TDRKH: variants seen among roughly 807,000 people sequenced by gnomAD.
TDRKH encodes the protein tudor and KH domain-containing protein.
In TDRKH, 28 loss-of-function variants were observed where a neutral mutation model predicts 61.3. The ratio of observed to expected loss-of-function variants is 0.46; its 90% confidence interval spans 0.34 to 0.63. The LOEUF is 0.63. Among genes scored for constraint, TDRKH ranks in the 20% least tolerant of loss-of-function variants. The pLI, the probability that TDRKH is intolerant of heterozygous loss-of-function variation, is 0.01. For missense variants in TDRKH, 540 were observed against 683.4 expected, an observed-to-expected ratio of 0.79 and a Z score of 2.34; for synonymous variants, 219 against 244.4, an observed-to-expected ratio of 0.90 and a Z score of 0.97.
downstream of TDRKH, chr1:151,766,808 G>A: frequency 3.1e-6 from 5 of 1,604,916 alleles, no homozygotes; most frequent in Non-Finnish European, 4.3e-6. Flanking sequence ...ACCCGATCTG[G>A]TCACCATACG....
intron 1 of TDRKH, among the ~76,000 whole-genome samples, chr1:151,789,816 G>A (rs1290614359): frequency 2.0e-5 from 3 of 151,616 alleles, no homozygotes; most frequent in African/African-American, 7.3e-5. Context: ...TCCTTGGTAC[G>A]TTTATTTTAA....
At chr1:151,784,637 G>A (rs1205081528) in intron 1 of TDRKH, among the ~76,000 whole-genome samples, 1 of 152,108 alleles carries the variant, frequency 6.6e-6, no homozygotes, top group Non-Finnish European at 1.5e-5. Flanking sequence ...CAGTCTCCCA[G>A]TTGCTGGTTT....
chr1:151,769,759 C>T (rs991918593), downstream of TDRKH, among the ~76,000 whole-genome samples: 2 of 152,180 alleles, frequency 1.3e-5, no homozygotes, highest in Non-Finnish European at 2.9e-5. Context: ...GCCGAGATCA[C>T]GCCACTGCAC....
chr1:151,770,985 G>C, downstream of TDRKH: 1 of 1,490,446 alleles, frequency 6.7e-7, no homozygotes, highest in Non-Finnish European at 8.9e-7. Context: ...CTGCTTCCCA[G>C]GGCCACTCCC....
At position 151,773,682 on chromosome 1, in the gene TDRKH, C is replaced by CT. The variant is rs1648884831; in HGVS notation, c.*769dup. The CT allele has an allele frequency of 1.3e-5, 2 of 152,212 alleles. No homozygotes were observed. The highest frequency in any genetic ancestry group is 4.1e-4 in the South Asian group (2 of 4,828). The allele number at this position is 152,212 out of a possible 1,614,324, so 9.4% of individuals were successfully genotyped here. A position where few individuals can be genotyped will look rare whatever the true frequency, so the allele number is the denominator to read the frequency against. ...TTAACTAAAGGTTACAGAGAAATAG[C>CT]TGGAGCAGTTTCAAAAGCCTGTCTC... On this transcript the variant is annotated 3_prime_UTR_variant, in exon 13 of 13. Transcript: ENST00000368824.
At chr1:151,789,033 A>C (rs1335362398) in intron 1 of TDRKH, among the ~76,000 whole-genome samples, 1 of 152,210 alleles carries the variant, frequency 6.6e-6, no homozygotes, top group Non-Finnish European at 1.5e-5. Context: ...GAGATGGAGA[A>C]CAGATGAATT....
Position 151,780,033 on chromosome 1 carries a change from T to G in TDRKH, c.339A>C (p.Ala113=). 1 of 1,614,270 alleles carries G rather than the reference T, an allele frequency of 6.2e-7. No homozygotes were observed. The highest frequency in any genetic ancestry group is 8.5e-7 in the Non-Finnish European group (1 of 1,180,042). The part of the protein sequence containing the change: ...GFPVQVCKAK[A]AIHQILTENT... ...TCTCTGTCAGGATCTGATGGATTGCTGCTTTGGCCTTGCACACCTGAACAG... is the reference window on the plus strand; with the variant it reads ...TCTCTGTCAGGATCTGATGGATTGCGGCTTTGGCCTTGCACACCTGAACAG... The change falls in exon 4 of 13, where the codon GCA becomes GCC. Residue 113 remains alanine, a synonymous_variant. Coordinates refer to ENST00000368824, the MANE Select transcript of TDRKH (RefSeq NM_001083965.2).
At chr1:151,780,492 G>C (rs561330181) in intron 3 of TDRKH, among the ~76,000 whole-genome samples, 1 of 152,306 alleles carries the variant, frequency 6.6e-6, no homozygotes, top group African/African-American at 2.4e-5. Flanking sequence ...AAGATGGTAA[G>C]AAGAACCAGG....
At chr1:151,771,237 C>A, downstream of TDRKH, 1 of 1,608,928 alleles carries the variant, frequency 6.2e-7, no homozygotes, top group Non-Finnish European at 8.5e-7. Flanking sequence ...TATTCCAACG[C>A]TTTGAGGGGC....
intron 1 of TDRKH, among the ~76,000 whole-genome samples, chr1:151,787,968 A>G (rs1335274229): frequency 2.0e-5 from 3 of 152,126 alleles, no homozygotes; most frequent in African/African-American, 7.2e-5. Context: ...CCTGGGCAAC[A>G]GAGCGAGAAT....
intron 1 of TDRKH, among the ~76,000 whole-genome samples, chr1:151,788,034 T>C (rs116694445): frequency 0.011 from 1,620 of 152,020 alleles, 27 homozygotes; most frequent in African/African-American, 0.036. Flanking sequence ...GTAGGTTATA[T>C]ACAAATAATA....
chr1:151,785,075 G>A (rs542749223), intron 1 of TDRKH, among the ~76,000 whole-genome samples: 1 of 151,972 alleles, frequency 6.6e-6, no homozygotes, highest in African/African-American at 2.4e-5. Context: ...GAGACTACAG[G>A]TGCATGCCAC....
chr1:151,786,368 G>A (rs1395934611), intron 1 of TDRKH, among the ~76,000 whole-genome samples: 4 of 152,172 alleles, frequency 2.6e-5, no homozygotes, highest in Non-Finnish European at 4.4e-5. Flanking sequence ...TGACTAAGAG[G>A]CGGGTAGCAT....
chr1:151,786,100 A>C (rs1169058616), intron 1 of TDRKH, among the ~76,000 whole-genome samples: 1 of 152,230 alleles, frequency 6.6e-6, no homozygotes. Flanking sequence ...CATTAATACA[A>C]AACCTACTGT....
intron 6 of TDRKH, among the ~76,000 whole-genome samples, chr1:151,776,949 C>T (rs181561518): frequency 1.2e-4 from 18 of 152,320 alleles, no homozygotes; most frequent in Middle Eastern, 6.8e-3. Context: ...GGACATGGAC[C>T]TGTTCCAGAT....
Position 151,775,055 on chromosome 1 carries a change from A to G in TDRKH, c.1536+10T>C. On this transcript the variant is annotated intron_variant, in intron 11 of 12. Coordinates refer to ENST00000368824, the MANE Select transcript of TDRKH (RefSeq NM_001083965.2). ...TGGAAGCAGCACCCTATATAACTAC[A>G]ATAGCTCACCATGTCCTTCAACATG... The G allele has an allele frequency of 6.2e-7, 1 of 1,613,848 alleles. No homozygotes were observed. Among genetic ancestry groups the G allele is most frequent in the Non-Finnish European group, 8.5e-7 (1 of 1,179,850 alleles).
intron 5 of TDRKH, 39 bp from the exon 6 acceptor site, chr1:151,779,045 G>C: frequency 3.1e-6 from 5 of 1,612,254 alleles, no homozygotes; most frequent in Non-Finnish European, 4.2e-6. Context: ...TCTGACCTGG[G>C]ATAGAGTAAA....
downstream of TDRKH, chr1:151,771,966 C>T (rs1448382853): frequency 5.0e-6 from 2 of 398,454 alleles, no homozygotes; most frequent in African/African-American, 4.1e-5. Flanking sequence ...CATGCTTCAG[C>T]GAGTTCATTG....
chr1:151,769,455 C>G, downstream of TDRKH: 1 of 162,582 alleles, frequency 6.2e-6, no homozygotes, highest in Non-Finnish European at 1.3e-5. Context: ...CAGAGATGCT[C>G]CTCACCTCCC....
Sources: allele counts gnomAD v4.1 joint callset (sites outside exome capture counted in the v4.1 genomes callset), GRCh38; gene constraint gnomAD v4.1.1; transcripts MANE v1.5; gene names NCBI Gene and HGNC (gene_info 2026-07-23, HGNC 2026-07-21).